The following TCP11 variants were observed in gnomAD, a reference collection of about 807,000 sequenced individuals.
TCP11 encodes T-complex protein 11 homolog.
In TCP11, 34 loss-of-function variants were observed where a neutral mutation model predicts 45.0. The observed-to-expected ratio is 0.76, with a 90% CI of 0.57 to 1.01. TCP11 has a LOEUF of 1.01. Among genes scored for constraint, TCP11 ranks in the 50% least tolerant of loss-of-function variants. The pLI is 0.00. For synonymous variants in TCP11, 227 were observed against 227.0 expected, an observed-to-expected ratio of 1.00 and a Z score of 0.00; for missense variants, 523 against 598.1, an observed-to-expected ratio of 0.87 and a Z score of 1.31.
rs752717040 is a variant in TCP11, at chr6:35,120,568, G to C, written c.794C>G (p.Thr265Ser). The C allele has an allele frequency of 1.2e-5, 20 of 1,613,846 alleles. No individual in the cohort carries two copies. In the South Asian group the frequency reaches 2.2e-4, roughly 18 times the overall value. ...LTMSPPTCPD[T>S]SDSSSVAGPS... ...GCCAGCCACACTGGAGGAGTCAGAA[G>C]TGTCTGGGCAAGTCGGAGGTGACAT... The change falls in exon 7 of 10, where the codon ACT (threonine) becomes AGT (serine). Residue 265 changes from threonine to serine, a missense_variant. Coordinates refer to ENST00000311875, the MANE Select transcript of TCP11 (RefSeq NM_001370687.1). This position sits in a 1 kb window ranked among gnomAD's most constrained non-coding sequence, Gnocchi z 4.9.
intron 5 of TCP11, among the ~76,000 whole-genome samples, chr6:35,121,648 A>G (rs1779261815): frequency 6.6e-6 from 1 of 152,004 alleles, no homozygotes; most frequent in South Asian, 2.1e-4. Flanking sequence ...CTTTGTCTCT[A>G]TTAAAAATAC....
rs1184272882 is a variant in TCP11, at chr6:35,129,181, G to A, written c.238C>T (p.Leu80=). The part of the protein sequence containing the change: ...MEEKVLPPSS[L]EGKVKETVHN... The stretch of plus-strand genomic sequence containing the variant: ...ACTGTCTCCTTGACCTTGCCTTCCA[G>A]ACTATAAGAGGGTTAAATGAGCAGA... Residue 80 remains leucine (L), a splice_region_variant and synonymous_variant, in exon 4 of 10, where the codon CTG becomes TTG. Coordinates refer to ENST00000311875, the MANE Select transcript of TCP11 (RefSeq NM_001370687.1). The A allele has an allele frequency of 5.6e-6, 9 of 1,611,644 alleles. No individual in the cohort carries two copies. Among genetic ancestry groups the A allele is most frequent in the Non-Finnish European group, 6.8e-6 (8 of 1,179,386 alleles).
chr6:35,122,114 T>G lies in TCP11; in HGVS notation c.578+3A>C. On this transcript the variant is annotated splice_donor_region_variant and intron_variant, in intron 5 of 9. Coordinates refer to ENST00000311875, the MANE Select transcript of TCP11 (RefSeq NM_001370687.1). Reference sequence around the variant, plus strand: ...TTTTTGGGGGCAGTATCAAGTTTCATACCTCAGTAGCCAAACAGGATCCGT... The same window carrying G: ...TTTTTGGGGGCAGTATCAAGTTTCAGACCTCAGTAGCCAAACAGGATCCGT... 1.2e-6 allele frequency: 2 copies of G among 1,614,182 alleles called. No individual in the cohort carries two copies. The highest frequency in any genetic ancestry group is 2.2e-5 in the South Asian group (2 of 91,082).
chr6:35,132,938 A>G (rs1780616792), intron 3 of TCP11, among the ~76,000 whole-genome samples: 1 of 152,212 alleles, frequency 6.6e-6, no homozygotes, highest in African/African-American at 2.4e-5. Flanking sequence ...ACCTGTTCCC[A>G]GCATGGAAAC....
chr6:35,133,628 A>G (rs2127676951), intron 3 of TCP11, among the ~76,000 whole-genome samples: 1 of 152,214 alleles, frequency 6.6e-6, no homozygotes, highest in African/African-American at 2.4e-5. Context: ...CACCTCTGCT[A>G]AAAATACAAA....
chr6:35,125,131 C>T (rs1375845951), intron 4 of TCP11, among the ~76,000 whole-genome samples: 2 of 148,898 alleles, frequency 1.3e-5, no homozygotes, highest in Non-Finnish European at 3.0e-5. Context: ...ATTGCAGTGG[C>T]CAAGATCGCA....
At position 35,122,208 on chromosome 6, in the gene TCP11, C is replaced by T. The variant is rs754639015; in HGVS notation, c.487G>A (p.Val163Ile). ...CACAGCAAAGCCATCATGTTGAGAA[C>T]GTACTTAGAGAGATAGAGGACTTTC... ...ALKVLYLSKYVLNMMALLCAP... is the reference protein window; with the variant it reads ...ALKVLYLSKYILNMMALLCAP... The change falls in exon 5 of 10, where the codon GTT becomes ATT. Residue 163 changes from valine to isoleucine, a missense_variant. Transcript: ENST00000311875. The T allele has an allele frequency of 2.7e-5, 43 of 1,614,040 alleles. No individual in the cohort carries two copies. The highest frequency in any genetic ancestry group is 1.6e-4 in the Middle Eastern group (1 of 6,084).
intron 4 of TCP11, chr6:35,128,296 G>GA (rs1780044855): frequency 6.6e-6 from 1 of 152,184 alleles, no homozygotes; most frequent in Non-Finnish European, 1.5e-5. Flanking sequence ...CTATTGTCTG[G>GA]ATGCTAACCC....
rs950492397 is a variant in TCP11, at chr6:35,136,318, G to A, written c.125-100C>T. 5 of 812,524 alleles carry A rather than the reference G, an allele frequency of 6.2e-6. No individual in the cohort carries two copies. In the African/African-American group the frequency reaches 8.7e-5, roughly 14 times the overall value. The allele number at this position is 812,524 out of a possible 1,614,324, so 50.3% of individuals were successfully genotyped here. A position where few individuals can be genotyped will look rare whatever the true frequency, so the allele number is the denominator to read the frequency against. ...CCCCAAATTTAGATTAATCAAACTG[G>A]TCTTACACAGACTCACCCAACTATT... On this transcript the variant is annotated intron_variant, in intron 2 of 9. Coordinates refer to ENST00000311875, the MANE Select transcript of TCP11 (RefSeq NM_001370687.1).
In TCP11 at chr6:35,120,630, G is replaced by T. The variant is rs1245050777; in HGVS notation, c.732C>A (p.Thr244=). The change falls in exon 7 of 10, where the codon ACC becomes ACA. Residue 244 remains threonine, a synonymous_variant. Coordinates refer to ENST00000311875, the MANE Select transcript of TCP11 (RefSeq NM_001370687.1). This position sits in a 1 kb window ranked among gnomAD's most constrained non-coding sequence, Gnocchi z 4.9. ...LNKQPSLLNH[T]TKWLTQAAGD... is the part of the protein sequence containing the mutation. ...CTGCTGCTTGGGTCAGCCATTTGGT[G>T]GTGTGATTAAGGAGACCTATGACAG... 3 of 1,613,404 alleles carry T rather than the reference G, an allele frequency of 1.9e-6. No homozygotes were observed. The highest frequency in any genetic ancestry group is 2.5e-6 in the Non-Finnish European group (3 of 1,179,918).
At chr6:35,135,620 TAAAAAA>T (rs35859439) in intron 3 of TCP11, among the ~76,000 whole-genome samples, 1 of 121,558 alleles carries the variant, frequency 8.2e-6, no homozygotes, top group Non-Finnish European at 1.7e-5. Context: ...ACCCCATCTC[TAAAAAA>T]AAAAAAAAAA....
chr6:35,131,519 G>A (rs759276764), intron 3 of TCP11, among the ~76,000 whole-genome samples: 3 of 152,108 alleles, frequency 2.0e-5, no homozygotes, highest in Non-Finnish European at 4.4e-5. Context: ...AGTGAGCCGA[G>A]ATTGTGCCAC....
chr6:35,126,978 C>T (rs2127659803), intron 4 of TCP11, among the ~76,000 whole-genome samples: 1 of 152,166 alleles, frequency 6.6e-6, no homozygotes, highest in Non-Finnish European at 1.5e-5. Flanking sequence ...TTCTATGGTG[C>T]TGTCCCCTAA....
At chr6:35,124,880 A>AT (rs1212015898) in intron 4 of TCP11, among the ~76,000 whole-genome samples, 13 of 151,618 alleles carry the variant, frequency 8.6e-5, no homozygotes, top group Non-Finnish European at 1.9e-4. Context: ...GTATAATAAA[A>AT]AATATATATA....
At chr6:35,134,632 G>A (rs964810435) in intron 3 of TCP11, among the ~76,000 whole-genome samples, 9 of 151,928 alleles carry the variant, frequency 5.9e-5, no homozygotes, top group Non-Finnish European at 1.2e-4. Flanking sequence ...CAATGTAAAC[G>A]CTATGTAAGT....
intron 3 of TCP11, among the ~76,000 whole-genome samples, chr6:35,134,127 C>A (rs933327300): frequency 1.3e-5 from 2 of 152,088 alleles, no homozygotes; most frequent in East Asian, 3.9e-4. Context: ...AAGATAACCC[C>A]AAAGATCTCT....
In TCP11 at chr6:35,122,278, A is replaced by C; in HGVS notation, c.417T>G (p.Ala139=). The change falls in exon 5 of 10, where the codon GCT becomes GCG. Residue 139 remains alanine, a synonymous_variant. Coordinates refer to ENST00000311875, the MANE Select transcript of TCP11 (RefSeq NM_001370687.1). ...CCTGCTTGAGCAAGTCCATGTCCAG[A>C]GCTTCTTCAATCTCAATTCTCAGGC... is the stretch of plus-strand genomic sequence containing the variant. ...QNRLRIEIEE[A]LDMDLLKQEA... 6.2e-7 allele frequency: 1 copy of C among 1,614,074 alleles called. No homozygotes were observed.
intron 4 of TCP11, among the ~76,000 whole-genome samples, chr6:35,128,080 C>A (rs1780024447): frequency 6.6e-6 from 1 of 152,212 alleles, no homozygotes. Context: ...CATTTATGAT[C>A]TCAGTTACTG....
At chr6:35,134,337 G>A (rs1442028785) in intron 3 of TCP11, among the ~76,000 whole-genome samples, 1 of 145,366 alleles carries the variant, frequency 6.9e-6, no homozygotes, top group Non-Finnish European at 1.5e-5. Flanking sequence ...CTGGAGTGCA[G>A]TGGCGTGATC....
Sources: allele counts gnomAD v4.1 joint callset (sites outside exome capture counted in the v4.1 genomes callset), GRCh38; gene constraint gnomAD v4.1.1; non-coding constraint Gnocchi (gnomAD v3.1); transcripts MANE v1.5; gene names NCBI Gene and HGNC (gene_info 2026-07-23, HGNC 2026-07-21).